Variants in CCNT2 observed in about 807,000 individuals in gnomAD.
CCNT2 encodes cyclin T2, also known as cyclin-T2.
Under a neutral mutation model 70.0 loss-of-function variants are expected in CCNT2, and 18 were observed. The ratio of observed to expected loss-of-function variants is 0.26; its 90% CI spans 0.18 to 0.38. CCNT2 has a LOEUF of 0.38. Ranked by LOEUF, CCNT2 falls within the 10% of genes least tolerant of loss-of-function variation. CCNT2 has a pLI of 1.00. For missense variants in CCNT2, 734 were observed against 890.2 expected (o/e 0.82, Z 2.23); for synonymous variants, 334 against 313.3 (o/e 1.07, Z -0.70).
At chr2:134,922,255 A>G (rs1679968857) in intron 2 of CCNT2, among the ~76,000 whole-genome samples, 1 of 152,258 alleles carries the variant, frequency 6.6e-6, no homozygotes, top group South Asian at 2.1e-4. Flanking sequence ...ACAAGCTTAA[A>G]TAAGTTAAGA....
chr2:134,936,129 G>A (rs1456348692), intron 2 of CCNT2, among the ~76,000 whole-genome samples: 1 of 148,452 alleles, frequency 6.7e-6, no homozygotes, highest in Non-Finnish European at 1.5e-5. Flanking sequence ...AGTATAGTGG[G>A]TATACTTGAT....
rs750737423 is a variant in CCNT2 at position 134,957,923 on chromosome 2, G to A, written c.*3275G>A. The A allele has an allele frequency of 2.6e-5, 4 of 152,020 alleles. No individual in the cohort carries two copies. Among genetic ancestry groups the A allele is most frequent in the African/African-American group, 9.7e-5 (4 of 41,400 alleles). The allele number at this position is 152,020 out of a possible 1,614,324, so 9.4% of individuals were successfully genotyped here. ...ATTAATAGAATACCTAATTTTTTTG[G>A]CCTATCCTCTTTGAACTAGAAATGA... On this transcript the variant is annotated 3_prime_UTR_variant, in exon 9 of 9. Coordinates refer to ENST00000264157, the MANE Select transcript of CCNT2 (RefSeq NM_058241.3).
chr2:134,933,760 T>A (rs768976168), intron 2 of CCNT2, among the ~76,000 whole-genome samples: 3 of 152,300 alleles, frequency 2.0e-5, no homozygotes, highest in Non-Finnish European at 4.4e-5. Context: ...AAATCAACAT[T>A]AACATGCACA....
chr2:134,947,082 A>G (rs1343572159), intron 6 of CCNT2, among the ~76,000 whole-genome samples: 1 of 152,256 alleles, frequency 6.6e-6, no homozygotes. Context: ...TAGCTGTGAC[A>G]CATATTTCAT....
Position 134,953,877 on chromosome 2 carries a change from CA to C in CCNT2, c.1423del (p.Ser475AlafsTer10). 1 of 1,614,032 alleles carries C rather than the reference CA, an allele frequency of 6.2e-7. No homozygotes were observed. Among genetic ancestry groups the C allele is most frequent in the Non-Finnish European group, 8.5e-7 (1 of 1,180,008 alleles). ...HKQGQSQAAS[S>X]SSVTSPIKMK... ...AACAAGGGCAGTCACAGGCAGCCAG[CA>C]GCAGTTCTGTTACTTCTCCCATTAA... On this transcript the variant is annotated frameshift_variant, in exon 9 of 9. Transcript: ENST00000264157. LOFTEE classifies it high-confidence loss of function.
chr2:134,925,419 A>G (rs1680218379), intron 2 of CCNT2, among the ~76,000 whole-genome samples: 2 of 151,984 alleles, frequency 1.3e-5, no homozygotes, highest in South Asian at 4.2e-4. Context: ...CAATTTTTAG[A>G]AGTCTTCACT....
At chr2:134,922,161 G>A (rs1390194704) in intron 2 of CCNT2, among the ~76,000 whole-genome samples, 1 of 152,052 alleles carries the variant, frequency 6.6e-6, no homozygotes, top group East Asian at 1.9e-4. Context: ...TCTATATACT[G>A]AAATGTCATG....
chr2:134,952,952 A>G, intron 8 of CCNT2: 1 of 482,034 alleles, frequency 2.1e-6, no homozygotes, highest in Non-Finnish European at 3.6e-6. Context: ...CATTTTACAA[A>G]TGGGGAAACT....
At chr2:134,931,260 A>ATTTTTTTTTTTTTTT (rs1351628226) in intron 2 of CCNT2, among the ~76,000 whole-genome samples, 9 of 42,944 alleles carry the variant, frequency 2.1e-4, no homozygotes, top group African/African-American at 6.8e-4. Flanking sequence ...CCATGCCCGG[A>ATTTTTTTTTTTTTTT]TCTTTTTTTT....
chr2:134,932,875 G>C (rs1680883214), intron 2 of CCNT2, among the ~76,000 whole-genome samples: 1 of 152,140 alleles, frequency 6.6e-6, no homozygotes. Flanking sequence ...CTATAAGCCT[G>C]TAGTAAGGTT....
At chr2:134,944,121 A>C in intron 5 of CCNT2, 1 of 984,292 alleles carries the variant, frequency 1.0e-6, no homozygotes, top group Non-Finnish European at 1.2e-6. Context: ...AACATATTTA[A>C]CTGTGGTTCC....
rs1339632838 is a variant in CCNT2 at position 134,954,410 on chromosome 2, A to T, written c.1955A>T (p.Lys652Met). ...GSSSSSSSSV[K>M]QYISSHNSVF... ...TCATCTAGTTCTTCCTCCTCTGTTA[A>T]GCAGTATATATCCTCTCACAACTCT... Residue 652 changes from lysine to methionine, a missense_variant, in exon 9 of 9, where the codon AAG becomes ATG. Transcript: ENST00000264157. 1 of 1,614,058 alleles carries T rather than the reference A, an allele frequency of 6.2e-7. No individual in the cohort carries two copies. The highest frequency in any genetic ancestry group is 1.7e-5 in the Admixed American group (1 of 60,020).
chr2:134,924,729 G>A (rs904088983), intron 2 of CCNT2, among the ~76,000 whole-genome samples: 6 of 152,114 alleles, frequency 3.9e-5, no homozygotes, highest in South Asian at 4.2e-4. Context: ...GATTACAGGC[G>A]TTAGCCACCT....
rs1473658736 is a variant in CCNT2, at chr2:134,919,098, G to A, written c.158+86G>A. 3.4e-6 allele frequency: 5 copies of A among 1,457,250 alleles called. No individual in the cohort carries two copies. The Admixed American group carries it at 1.1e-4, about 33-fold the overall frequency. 90.3% of individuals were successfully genotyped at this position (1,457,250 alleles called of 1,614,324 possible). ...GTGCCCCGCGAACATGGCGCCGCCGGCCTCGGCCTTCGCTGGGCCTCGGCG... is the reference window on the plus strand; with the variant it reads ...GTGCCCCGCGAACATGGCGCCGCCGACCTCGGCCTTCGCTGGGCCTCGGCG... On this transcript the variant is annotated intron_variant, in intron 1 of 8. Coordinates refer to ENST00000264157, the MANE Select transcript of CCNT2 (RefSeq NM_058241.3).
In CCNT2 at chr2:134,959,217, A is replaced by G. The variant is rs1352142369; in HGVS notation, c.*4569A>G. On this transcript the variant is annotated 3_prime_UTR_variant, in exon 9 of 9. Transcript: ENST00000264157. ...AATGTACTCAAAACTCCCAACAACAATTGAACAGGATGTTTGCTAATAGAA... is the reference window on the plus strand; with the variant it reads ...AATGTACTCAAAACTCCCAACAACAGTTGAACAGGATGTTTGCTAATAGAA... 10 of 152,080 alleles carry G rather than the reference A, an allele frequency of 6.6e-5. No homozygotes were observed. Among genetic ancestry groups the G allele is most frequent in the Admixed American group, 6.6e-4 (10 of 15,266 alleles). 9.4% of individuals were successfully genotyped at this position (152,080 alleles called of 1,614,324 possible).
In CCNT2 at chr2:134,954,120, C is replaced by A; in HGVS notation, c.1665C>A (p.Asp555Glu). Residue 555 changes from aspartate to glutamate, a missense_variant, in exon 9 of 9, where the codon GAC becomes GAA. Around this residue, in one of 3 missense-constraint regions of CCNT2, gnomAD observed 532 missense variants for 556.9 expected, o/e 0.96. Coordinates refer to ENST00000264157, the MANE Select transcript of CCNT2 (RefSeq NM_058241.3). ...SKHSSPHISR[D>E]HKEKHKEHPS... ...ATTCAAGCCCACATATTAGCAGAGA[C>A]CATAAGGAGAAGCACAAGGAGCATC... 6.2e-7 allele frequency: 1 copy of A among 1,614,110 alleles called. No homozygotes were observed. The highest frequency in any genetic ancestry group is 1.1e-5 in the South Asian group (1 of 91,076).
At chr2:134,950,011 G>T (rs1682344500) in intron 7 of CCNT2, among the ~76,000 whole-genome samples, 2 of 152,136 alleles carry the variant, frequency 1.3e-5, no homozygotes. Context: ...GGCCAGGCTG[G>T]TCTTGAACTC....
intron 2 of CCNT2, among the ~76,000 whole-genome samples, chr2:134,927,445 G>A (rs569454305): frequency 6.6e-6 from 1 of 152,188 alleles, no homozygotes; most frequent in East Asian, 1.9e-4. Flanking sequence ...TCATCGCATG[G>A]CAGGAGTGCA....
At chr2:134,931,262 C>CTTTTTTTTGTTTTTTTTTTTTTTTTTTT (rs1680738931) in intron 2 of CCNT2, among the ~76,000 whole-genome samples, 1 of 42,418 alleles carries the variant, frequency 2.4e-5, no homozygotes, top group African/African-American at 7.9e-5. Context: ...ATGCCCGGAT[C>CTTTTTTTTGTTTTTTTTTTTTTTTTTTT]TTTTTTTTTT....
Sources: allele counts gnomAD v4.1 joint callset (sites outside exome capture counted in the v4.1 genomes callset), GRCh38; gene constraint gnomAD v4.1.1; regional missense constraint gnomAD v4.1.1; transcripts MANE v1.5; gene names NCBI Gene and HGNC (gene_info 2026-07-23, HGNC 2026-07-21).